Variants in ARFIP1 observed in about 807,000 individuals in gnomAD.
ARFIP1 encodes the protein arfaptin-1.
Under a neutral mutation model 42.5 loss-of-function variants are expected in ARFIP1, and 24 were observed. That is an observed-to-expected ratio of 0.57 (90% CI 0.41 to 0.80). The LOEUF (loss-of-function observed/expected upper bound fraction) is 0.80, where lower values mean the gene tolerates loss of function less well. ARFIP1 is among the 30% of genes least tolerant of loss of function. The pLI is 0.00. For synonymous variants in ARFIP1, 141 were observed against 153.7 expected (o/e 0.92, Z 0.61); for missense variants, 354 against 434.0 (o/e 0.82, Z 1.64).
intron 7 of ARFIP1, among the ~76,000 whole-genome samples, chr4:152,886,656 C>A (rs773520034): frequency 1.3e-5 from 2 of 151,790 alleles, no homozygotes; most frequent in Non-Finnish European, 2.9e-5. Flanking sequence ...TATACCTTAC[C>A]CTCATTTATG....
intron 1 of ARFIP1, among the ~76,000 whole-genome samples, chr4:152,810,905 G>A (rs771794868): frequency 6.6e-6 from 1 of 151,984 alleles, no homozygotes; most frequent in Non-Finnish European, 1.5e-5. Flanking sequence ...ATAGTGTGCT[G>A]TGCTTATCTC....
intron 1 of ARFIP1, among the ~76,000 whole-genome samples, chr4:152,808,283 A>ATTTTTTTTTTTTTTTTTTTTTTTTTTTG (rs1729152754): frequency 4.9e-5 from 1 of 20,314 alleles, no homozygotes; most frequent in Non-Finnish European, 1.0e-4. Flanking sequence ...CCTGGCCTCC[A>ATTTTTTTTTTTTTTTTTTTTTTTTTTTG]TTTTTTTTTT....
At position 152,894,314 on chromosome 4, in the gene ARFIP1, C is replaced by CT. The variant is rs142358935; in HGVS notation, c.966+6008dup. 2.6e-5 allele frequency among the ~76,000 whole-genome samples: 4 copies of CT among 151,906 alleles called. No homozygotes were observed. The East Asian group carries it at 7.7e-4, about 29-fold the overall frequency. On this transcript the variant is annotated intron_variant, in intron 8 of 8. Coordinates refer to ENST00000353617, the MANE Select transcript of ARFIP1 (RefSeq NM_001025595.3). ...TGAGGGCAGAAGTATTCTTTGCTTA[C>CT]TAAAACTTCTCTTTGAGAGGAAAAA... is the stretch of plus-strand genomic sequence containing the variant.
At chr4:152,839,123 T>C (rs900634711) in intron 2 of ARFIP1, among the ~76,000 whole-genome samples, 4 of 152,198 alleles carry the variant, frequency 2.6e-5, no homozygotes, top group African/African-American at 9.6e-5. Context: ...GCATCTCTGG[T>C]ATGAAACCCA....
At chr4:152,867,315 G>A (rs563964279) in intron 3 of ARFIP1, among the ~76,000 whole-genome samples, 4 of 152,302 alleles carry the variant, frequency 2.6e-5, no homozygotes, top group East Asian at 1.9e-4. Flanking sequence ...CCAACACAGC[G>A]AAACCCCGTC....
intron 1 of ARFIP1, among the ~76,000 whole-genome samples, chr4:152,793,499 A>G (rs999764065): frequency 1.3e-5 from 2 of 151,988 alleles, no homozygotes; most frequent in Non-Finnish European, 2.9e-5. Flanking sequence ...CAAGACCCAC[A>G]TACCTGAAAC....
rs6811089 is a variant in ARFIP1, at chr4:152,854,721, A to G, written c.94-8885A>G. Among the ~76,000 whole-genome samples, 845 of 152,326 alleles carry G rather than the reference A, an allele frequency of 5.5e-3. 7 individuals carry two copies. Among genetic ancestry groups the G allele is most frequent in the African/African-American group, 0.019 (782 of 41,570 alleles). ...CTCTCTGTATAATTTCTTTGGCTGT[A>G]TACAGCATTAGTGGTATCTGTGATT... On this transcript the variant is annotated intron_variant, in intron 2 of 8. Transcript: ENST00000353617.
At chr4:152,848,787 A>C (rs1486881288) in intron 2 of ARFIP1, among the ~76,000 whole-genome samples, 2 of 152,234 alleles carry the variant, frequency 1.3e-5, no homozygotes, top group African/African-American at 4.8e-5. Flanking sequence ...AAATAGACTT[A>C]AAAGTTGACA....
At position 152,861,257 on chromosome 4, in the gene ARFIP1, A is replaced by G. The variant is rs1242570160; in HGVS notation, c.94-2349A>G. The stretch of plus-strand genomic sequence containing the variant: ...AAGATGATGCAAAGTAGAGAAAAGC[A>G]TGACTCCATGGCCTAGCACCTAGAA... On this transcript the variant is annotated intron_variant, in intron 2 of 8. Coordinates refer to ENST00000353617, the MANE Select transcript of ARFIP1 (RefSeq NM_001025595.3). Among the ~76,000 whole-genome samples, 8 of 152,236 alleles carry G rather than the reference A, an allele frequency of 5.3e-5. No individual in the cohort carries two copies. The South Asian group carries it at 1.7e-3, about 31-fold the overall frequency.
intron 5 of ARFIP1, among the ~76,000 whole-genome samples, chr4:152,875,117 A>G (rs1735214672): frequency 6.6e-6 from 1 of 152,154 alleles, no homozygotes. Context: ...TTGGTTGTTA[A>G]TTTTGGTCCC....
chr4:152,866,981 G>A (rs1488204388), intron 3 of ARFIP1, among the ~76,000 whole-genome samples: 3 of 150,696 alleles, frequency 2.0e-5, no homozygotes, highest in Non-Finnish European at 4.4e-5. Flanking sequence ...ATGGGATGGC[G>A]GCCGGGCAGA....
At chr4:152,856,795 A>C (rs979306833) in intron 2 of ARFIP1, among the ~76,000 whole-genome samples, 1 of 152,206 alleles carries the variant, frequency 6.6e-6, no homozygotes, top group African/African-American at 2.4e-5. Flanking sequence ...AGCCACTGAA[A>C]AGCTGTCAAG....
chr4:152,825,864 T>A (rs1297698264), intron 1 of ARFIP1, among the ~76,000 whole-genome samples: 2 of 151,984 alleles, frequency 1.3e-5, no homozygotes, highest in African/African-American at 2.4e-5. Flanking sequence ...ACCAGACATT[T>A]CTCAAAAGAA....
At chr4:152,865,254 G>A (rs11932017) in intron 3 of ARFIP1, among the ~76,000 whole-genome samples, 104,791 of 151,702 alleles carry the variant, frequency 0.69, 36,689 homozygotes, top group African/African-American at 0.8. Context: ...CTCCTGCCTC[G>A]ACATCCCAAG....
At chr4:152,821,248 C>A (rs2149839423) in intron 1 of ARFIP1, among the ~76,000 whole-genome samples, 1 of 152,230 alleles carries the variant, frequency 6.6e-6, no homozygotes, top group East Asian at 1.9e-4. Flanking sequence ...ATTTAAAAAA[C>A]AATTCAGGAT....
At chr4:152,836,508 T>C (rs986401684) in intron 2 of ARFIP1, among the ~76,000 whole-genome samples, 1 of 152,190 alleles carries the variant, frequency 6.6e-6, no homozygotes, top group African/African-American at 2.4e-5. Context: ...TGTGGGTCTG[T>C]TTCTGGTATC....
chr4:152,874,156 C>A (rs895784525), intron 5 of ARFIP1, among the ~76,000 whole-genome samples: 17 of 152,080 alleles, frequency 1.1e-4, no homozygotes, highest in African/African-American at 4.1e-4. Flanking sequence ...TTATTATCTG[C>A]TATTCTTGCA....
chr4:152,891,815 T>A (rs1579022390), intron 8 of ARFIP1, among the ~76,000 whole-genome samples: 1 of 152,204 alleles, frequency 6.6e-6, no homozygotes, highest in African/African-American at 2.4e-5. Context: ...TTCAAGCAGT[T>A]CTCTTGCCTC....
chr4:152,794,176 C>T lies in ARFIP1; in HGVS notation c.-10+13950C>T, dbSNP rs56244077. ...CATTGATATAATATTATTGATTAAACTATAGCTCTTATTAGAATGAAACCA... is the reference window on the plus strand; with the variant it reads ...CATTGATATAATATTATTGATTAAATTATAGCTCTTATTAGAATGAAACCA... On this transcript the variant is annotated intron_variant, in intron 1 of 8. Coordinates refer to ENST00000353617, the MANE Select transcript of ARFIP1 (RefSeq NM_001025595.3). Among the ~76,000 whole-genome samples, 674 of 151,546 alleles carry T rather than the reference C, an allele frequency of 4.4e-3. 4 individuals carry two copies. Among genetic ancestry groups the T allele is most frequent in the African/African-American group, 0.015 (632 of 40,950 alleles).
Sources: gnomAD v4.1 joint callset for allele counts (sites outside exome capture counted in the v4.1 genomes callset) on GRCh38, gnomAD v4.1.1 for gene constraint, MANE v1.5 for transcripts, NCBI Gene and HGNC (gene_info 2026-07-23, HGNC 2026-07-21) for gene names.